The following LRP6 variants were observed in gnomAD, a reference collection of about 807,000 sequenced individuals.
LRP6 encodes the protein low-density lipoprotein receptor-related protein 6.
Under a neutral mutation model 184.1 loss-of-function variants are expected in LRP6, and 43 were observed. The ratio of observed to expected loss-of-function variants is 0.23; its 90% CI spans 0.18 to 0.30. LRP6 has a LOEUF of 0.30. Among genes scored for constraint, LRP6 ranks in the 10% least tolerant of loss-of-function variants. The probability of loss-of-function intolerance (pLI) is 1.00; values close to 1 mark genes in which losing one functional copy is unlikely to be tolerated. For missense variants in LRP6, 1,571 were observed against 2,005.3 expected, an observed-to-expected ratio of 0.78 and a Z score of 4.14; for synonymous variants, 719 against 684.9, an observed-to-expected ratio of 1.05 and a Z score of -0.78.
chr12:12,131,097 ATTTTTTTTTT>A (rs35705276), intron 18 of LRP6, among the ~76,000 whole-genome samples: 11 of 78,200 alleles, frequency 1.4e-4, no homozygotes, highest in South Asian at 7.6e-4. Flanking sequence ...ATTTCCTAAC[ATTTTTTTTTT>A]TTTTTTTTTT....
rs1404513728 is a variant in LRP6 at position 12,124,896 on chromosome 12, T to C, written c.4450-234A>G. ...GTGACAAAAACGAAAATCTGTAACC[T>C]AAAAATCATTGGTCAGTACATTTAG... On this transcript the variant is annotated intron_variant, in intron 21 of 22. Coordinates refer to ENST00000261349, the MANE Select transcript of LRP6 (RefSeq NM_002336.3). Among the ~76,000 whole-genome samples the C allele has an allele frequency of 3.0e-4, 45 of 152,182 alleles. 2 individuals are homozygous for C. Among genetic ancestry groups the C allele is most frequent in the Non-Finnish European group, 2.9e-5 (2 of 68,032 alleles).
intron 2 of LRP6, among the ~76,000 whole-genome samples, chr12:12,229,443 C>A (rs2135888135): frequency 6.6e-6 from 1 of 151,328 alleles, no homozygotes; most frequent in South Asian, 2.1e-4. Flanking sequence ...CTTAACTCAG[C>A]CATTTAAAAA....
At chr12:12,256,367 G>A (rs1865465633) in intron 1 of LRP6, among the ~76,000 whole-genome samples, 1 of 152,028 alleles carries the variant, frequency 6.6e-6, no homozygotes, top group Non-Finnish European at 1.5e-5. Flanking sequence ...AGGCCAGCCT[G>A]AGCAACATGG....
At chr12:12,255,412 T>C (rs1865435906) in intron 1 of LRP6, among the ~76,000 whole-genome samples, 1 of 130,554 alleles carries the variant, frequency 7.7e-6, no homozygotes, top group African/African-American at 2.6e-5. Context: ...TGCTTACTTC[T>C]CCTTTCTATA....
At chr12:12,162,859 A>C (rs1209377594) in intron 9 of LRP6, among the ~76,000 whole-genome samples, 1 of 152,192 alleles carries the variant, frequency 6.6e-6, no homozygotes, top group Non-Finnish European at 1.5e-5. Context: ...GTCCCATAAC[A>C]CTTTTAAAAA....
chr12:12,250,708 C>T (rs995716797), intron 1 of LRP6, among the ~76,000 whole-genome samples: 7 of 151,760 alleles, frequency 4.6e-5, no homozygotes, highest in African/African-American at 1.5e-4. Flanking sequence ...CTGCAACCTC[C>T]GACTCCCTGG....
At chr12:12,238,544 A>G (rs1864980039) in intron 2 of LRP6, among the ~76,000 whole-genome samples, 1 of 152,102 alleles carries the variant, frequency 6.6e-6, no homozygotes, top group South Asian at 2.1e-4. Flanking sequence ...AAAATATTAA[A>G]AAAGATAAAT....
chr12:12,135,631 T>C (rs1418434456), intron 16 of LRP6, among the ~76,000 whole-genome samples: 2 of 151,468 alleles, frequency 1.3e-5, no homozygotes, highest in Admixed American at 1.3e-4. Flanking sequence ...GTAGCTGGGA[T>C]TGCAGGTGAC....
At chr12:12,214,956 T>A (rs1030591641) in intron 2 of LRP6, among the ~76,000 whole-genome samples, 2 of 152,240 alleles carry the variant, frequency 1.3e-5, no homozygotes, top group African/African-American at 2.4e-5. Context: ...GATTGCTTCC[T>A]TGGCCCGCCT....
intron 3 of LRP6, among the ~76,000 whole-genome samples, chr12:12,189,197 C>G (rs1171323985): frequency 6.6e-6 from 1 of 152,152 alleles, no homozygotes; most frequent in African/African-American, 2.4e-5. Context: ...TTAAATCCCC[C>G]CTTGACACTT....
intron 10 of LRP6, among the ~76,000 whole-genome samples, chr12:12,160,522 G>A (rs1039638433): frequency 6.6e-6 from 1 of 152,246 alleles, no homozygotes; most frequent in South Asian, 2.1e-4. Flanking sequence ...ATGGTCCAAG[G>A]GAGCATACTA....
chr12:12,121,142 C>A lies in LRP6; in HGVS notation c.4826G>T (p.Cys1609Phe). ...GGCCCCTCCTCAGGAGGAGTCTGTA[C>A]AGGGAGAGGGTGGCGGTGGGTAGAG... ...HHLYPPPPSP[C>F]TDSS Residue 1609 changes from cysteine (C) to phenylalanine (F), a missense_variant, in exon 23 of 23, where the codon TGT becomes TTT. By Grantham distance (205) the Cys-to-Phe change is radical. Coordinates refer to ENST00000261349, the MANE Select transcript of LRP6 (RefSeq NM_002336.3). 6.2e-7 allele frequency: 1 copy of A among 1,611,844 alleles called. No homozygotes were observed. Among genetic ancestry groups the A allele is most frequent in the Non-Finnish European group, 8.5e-7 (1 of 1,179,060 alleles).
chr12:12,159,207 G>T, intron 11 of LRP6, 52 bp from the exon 12 acceptor site: 1 of 1,344,624 alleles, frequency 7.4e-7, no homozygotes, highest in Non-Finnish European at 1.1e-6. Context: ...TGAAATATGT[G>T]AGAATACAAG....
At chr12:12,198,745 G>T (rs532656988) in intron 3 of LRP6, among the ~76,000 whole-genome samples, 25 of 151,966 alleles carry the variant, frequency 1.6e-4, no homozygotes, top group African/African-American at 6.0e-4. Context: ...TGTTGGCAAG[G>T]CTGGTCTCGA....
intron 1 of LRP6, among the ~76,000 whole-genome samples, chr12:12,257,625 A>G (rs1266457494): frequency 1.4e-5 from 2 of 139,102 alleles, no homozygotes; most frequent in Admixed American, 1.5e-4. Context: ...GGGCTTAATG[A>G]AAAAAAAAAA....
chr12:12,266,318 T>G (rs759081066), intron 1 of LRP6, among the ~76,000 whole-genome samples: 54 of 152,088 alleles, frequency 3.6e-4, no homozygotes, highest in Non-Finnish European at 6.2e-4. Context: ...CTCAAACATT[T>G]TAAAAGCCAA....
rs893579441 is a variant in LRP6 at position 12,135,059 on chromosome 12, G to A, written c.3733+116C>T. The stretch of plus-strand genomic sequence containing the variant: ...TACAATACAAATGAATGGAACACAC[G>A]CAACCAATTAAGTTAGTAGACAGAG... On this transcript the variant is annotated intron_variant, in intron 17 of 22. Transcript: ENST00000261349. 1.4e-5 allele frequency: 20 copies of A among 1,438,402 alleles called. No individual in the cohort carries two copies. The East Asian group carries it at 1.6e-4, about 12-fold the overall frequency. The allele number at this position is 1,438,402 out of a possible 1,614,324, so 89.1% of individuals were successfully genotyped here. A position where few individuals can be genotyped will look rare whatever the true frequency, so the allele number is the denominator to read the frequency against.
At chr12:12,212,085 A>T (rs1250578808) in intron 2 of LRP6, among the ~76,000 whole-genome samples, 1 of 152,194 alleles carries the variant, frequency 6.6e-6, no homozygotes, top group Non-Finnish European at 1.5e-5. Context: ...ATCTCTGTAC[A>T]TTTCAAATAC....
intron 19 of LRP6, 127 bp downstream of exon 19, chr12:12,130,656 A>T: frequency 1.5e-6 from 1 of 662,232 alleles, no homozygotes; most frequent in South Asian, 1.8e-5. Context: ...CCTTCACACA[A>T]ATAATTAGCT....
Sources: allele counts gnomAD v4.1 joint callset (sites outside exome capture counted in the v4.1 genomes callset), GRCh38; gene constraint gnomAD v4.1.1; transcripts MANE v1.5; gene names NCBI Gene and HGNC (gene_info 2026-07-23, HGNC 2026-07-21).